TIAM2: variants seen among roughly 807,000 people sequenced by gnomAD.
TIAM2 encodes rho guanine nucleotide exchange factor TIAM2.
Under a neutral mutation model 152.9 loss-of-function variants are expected in TIAM2, and 80 were observed. The observed-to-expected ratio is 0.52, with a 90% CI of 0.44 to 0.63. The LOEUF (loss-of-function observed/expected upper bound fraction) is 0.63. Ranked by LOEUF, TIAM2 falls within the 30% of genes least tolerant of loss-of-function variation. The probability of loss-of-function intolerance (pLI) is 0.00; values close to 1 mark genes in which losing one functional copy is unlikely to be tolerated. For synonymous variants in TIAM2, 804 were observed against 838.0 expected (o/e 0.96, Z 0.70); for missense variants, 1,965 against 2,120.1 (o/e 0.93, Z 1.44).
At chr6:155,036,746 C>T (rs1583162797) in intron 1 of TIAM2, among the ~76,000 whole-genome samples, 1 of 151,552 alleles carries the variant, frequency 6.6e-6, no homozygotes, top group South Asian at 2.1e-4. Flanking sequence ...GCCTCCTGAG[C>T]AGCTGGGATT....
intron 1 of TIAM2, among the ~76,000 whole-genome samples, chr6:155,014,798 T>C (rs569593041): frequency 6.6e-6 from 1 of 152,310 alleles, no homozygotes; most frequent in East Asian, 1.9e-4. Context: ...GCAGAGGGAA[T>C]TGCAGTAAGC....
At chr6:155,042,008 C>G (rs562609685) in intron 1 of TIAM2, among the ~76,000 whole-genome samples, 1 of 152,240 alleles carries the variant, frequency 6.6e-6, no homozygotes, top group Non-Finnish European at 1.5e-5. Context: ...GACTTCCCAT[C>G]CTCCAACCAG....
chr6:155,042,559 T>C (rs1447707824), intron 1 of TIAM2, among the ~76,000 whole-genome samples: 2 of 152,230 alleles, frequency 1.3e-5, no homozygotes, highest in African/African-American at 4.8e-5. Context: ...ATCGCGCCGC[T>C]GCAGTCCAGC....
intron 9 of TIAM2, among the ~76,000 whole-genome samples, chr6:155,172,959 G>T (rs1021353352): frequency 5.3e-5 from 8 of 151,768 alleles, no homozygotes; most frequent in Non-Finnish European, 1.0e-4. Context: ...ACTAAAGCAT[G>T]TGTATTTTCA....
chr6:155,030,216 A>G (rs1251922727), intron 1 of TIAM2, among the ~76,000 whole-genome samples: 3 of 152,158 alleles, frequency 2.0e-5, no homozygotes, highest in Admixed American at 1.3e-4. Context: ...GAGGCAAGAT[A>G]GAGCATGGGA....
intron 10 of TIAM2, 66 bp from the exon 11 acceptor site, chr6:155,178,973 C>G (rs1021726570): frequency 1.4e-5 from 17 of 1,258,158 alleles, no homozygotes; most frequent in South Asian, 2.6e-5. Flanking sequence ...TTTTAATAAG[C>G]CTGCTAACCA....
intron 6 of TIAM2, 47 bp from the exon 7 acceptor site, chr6:155,148,063 T>C (rs368211421): frequency 6.3e-7 from 1 of 1,596,444 alleles, no homozygotes; most frequent in Non-Finnish European, 8.6e-7. Context: ...GAGAGCACTT[T>C]AGTGGTAAAA....
At chr6:155,209,361 C>T (rs1450444776) in intron 14 of TIAM2, among the ~76,000 whole-genome samples, 2 of 152,182 alleles carry the variant, frequency 1.3e-5, no homozygotes, top group Admixed American at 1.3e-4. Context: ...TTGAGGGCTG[C>T]TGTTCTTTTG....
At chr6:155,054,160 C>T (rs574342715) in intron 1 of TIAM2, among the ~76,000 whole-genome samples, 3 of 152,010 alleles carry the variant, frequency 2.0e-5, no homozygotes, top group South Asian at 2.1e-4. Context: ...GGTGACAGAG[C>T]GAGACTGCAT....
intron 14 of TIAM2, among the ~76,000 whole-genome samples, chr6:155,203,742 A>T (rs1234177431): frequency 2.0e-5 from 3 of 152,204 alleles, no homozygotes; most frequent in Admixed American, 2.0e-4. Flanking sequence ...TGAGAGTCCC[A>T]CTGAAATACA....
At chr6:155,040,644 G>A (rs546273581) in intron 1 of TIAM2, among the ~76,000 whole-genome samples, 3 of 151,878 alleles carry the variant, frequency 2.0e-5, no homozygotes, top group Non-Finnish European at 4.4e-5. Context: ...TCAGCCTCCC[G>A]GGTAGCTGGG....
At chr6:155,242,588 G>A (rs1359350089) in intron 16 of TIAM2, among the ~76,000 whole-genome samples, 1 of 152,206 alleles carries the variant, frequency 6.6e-6, no homozygotes, top group Non-Finnish European at 1.5e-5. Context: ...AAAGCTCTGG[G>A]TCTTAGGTTC....
chr6:155,025,562 G>A lies in TIAM2; in HGVS notation c.-209+30070G>A, dbSNP rs141236448. ...TTGAACCCCTGACCTTAAGTGATCC[G>A]CCCACCTCAGCCTCCTAAAGTGCTG... On this transcript the variant is annotated intron_variant, in intron 1 of 26. Coordinates refer to ENST00000682666, the MANE Select transcript of TIAM2 (RefSeq NM_012454.4). Among the ~76,000 whole-genome samples, 435 of 151,838 alleles carry A rather than the reference G, an allele frequency of 2.9e-3. 2 individuals carry two copies. The highest frequency in any genetic ancestry group is 9.8e-3 in the African/African-American group (406 of 41,428).
chr6:155,257,444 G>T lies in TIAM2; in HGVS notation c.*323G>T. 1 of 338,796 alleles carries T rather than the reference G, an allele frequency of 3.0e-6. No individual in the cohort carries two copies. Among genetic ancestry groups the T allele is most frequent in the Non-Finnish European group, 5.4e-6 (1 of 186,734 alleles). The allele number at this position is 338,796 out of a possible 1,614,324, so 21.0% of individuals were successfully genotyped here. A position where few individuals can be genotyped will look rare whatever the true frequency, so the allele number is the denominator to read the frequency against. On this transcript the variant is annotated 3_prime_UTR_variant, in exon 27 of 27. Transcript: ENST00000682666. ...AAGGCTGGGGAAGTCGTGATTAATAGTTTTCAAAGGGCCATTTTTTAAAAT... is the reference window on the plus strand; with the variant it reads ...AAGGCTGGGGAAGTCGTGATTAATATTTTTCAAAGGGCCATTTTTTAAAAT...
chr6:155,183,521 CCTT>C, intron 14 of TIAM2, 21 bp downstream of exon 14: 1 of 1,581,726 alleles, frequency 6.3e-7, no homozygotes, highest in South Asian at 1.2e-5. Context: ...GTTCTGTCTT[CCTT>C]CTTAACTGCT....
At chr6:155,022,740 T>A (rs1776523231) in intron 1 of TIAM2, among the ~76,000 whole-genome samples, 1 of 152,210 alleles carries the variant, frequency 6.6e-6, no homozygotes, top group African/African-American at 2.4e-5. Context: ...GCAGAAGCAA[T>A]GCAATGCTTA....
chr6:155,019,938 G>A (rs1319909865), intron 1 of TIAM2, among the ~76,000 whole-genome samples: 1 of 151,990 alleles, frequency 6.6e-6, no homozygotes, highest in Non-Finnish European at 1.5e-5. Flanking sequence ...CTGTAGTCCC[G>A]GCTACTTGGG....
chr6:155,158,548 T>G (rs1288003409), intron 7 of TIAM2, among the ~76,000 whole-genome samples: 1 of 151,934 alleles, frequency 6.6e-6, no homozygotes, highest in Admixed American at 6.6e-5. Flanking sequence ...TATATAGAAG[T>G]TATGTTTTTT....
At chr6:155,029,714 C>T (rs1776784713) in intron 1 of TIAM2, among the ~76,000 whole-genome samples, 1 of 136,964 alleles carries the variant, frequency 7.3e-6, no homozygotes, top group African/African-American at 2.7e-5. Flanking sequence ...TAACTATATA[C>T]AGAGTTATAT....
Sources: allele counts gnomAD v4.1 joint callset (sites outside exome capture counted in the v4.1 genomes callset), GRCh38; gene constraint gnomAD v4.1.1; transcripts MANE v1.5; gene names NCBI Gene and HGNC (gene_info 2026-07-23, HGNC 2026-07-21).